The following POLR2E variants were observed in gnomAD, a reference collection of about 807,000 sequenced individuals.
POLR2E encodes the protein DNA-directed RNA polymerases I, II, and III subunit RPABC1.
A neutral mutation model predicts 29.8 loss-of-function variants in POLR2E; 35 were observed. The ratio of observed to expected loss-of-function variants is 1.17; its 90% CI spans 0.90 to 1.55. The LOEUF is 1.55. Among genes scored for constraint, POLR2E ranks in the 40% most tolerant of loss-of-function variants. The pLI, the probability that POLR2E is intolerant of heterozygous loss-of-function variation, is 0.00. For missense variants in POLR2E, 287 were observed against 288.6 expected (o/e 0.99, Z 0.04); for synonymous variants, 174 against 112.6 (o/e 1.55, Z -3.45).
In POLR2E at chr19:1,095,354, C is replaced by A; in HGVS notation, c.-39G>T. On this transcript the variant is annotated 5_prime_UTR_variant, in exon 1 of 8. Transcript: ENST00000615234. Reference sequence around the variant, plus strand: ...GCCGCCGCCGCTCGCACCCCTTCTCCGCGCGAGAACCCGCGCGGACTGCGC... The same window carrying A: ...GCCGCCGCCGCTCGCACCCCTTCTCAGCGCGAGAACCCGCGCGGACTGCGC... 3 of 1,610,906 alleles carry A rather than the reference C, an allele frequency of 1.9e-6. No homozygotes were observed. The highest frequency in any genetic ancestry group is 2.5e-6 in the Non-Finnish European group (3 of 1,178,412).
intron 2 of POLR2E, among the ~76,000 whole-genome samples, chr19:1,092,145 AC>A (rs767092148): frequency 3.3e-5 from 5 of 152,124 alleles, no homozygotes; most frequent in Non-Finnish European, 5.9e-5. Context: ...CCCCTCAGTC[AC>A]CCAGAGACCA....
intron 2 of POLR2E, among the ~76,000 whole-genome samples, 162 bp from the exon 3 acceptor site, chr19:1,092,069 C>G (rs918870911): frequency 6.6e-6 from 1 of 152,160 alleles, no homozygotes; most frequent in East Asian, 1.9e-4. Context: ...GTTGCAGGAT[C>G]CCAGGACAGG....
chr19:1,089,104 G>A (rs912570224), intron 7 of POLR2E, among the ~76,000 whole-genome samples: 4 of 152,226 alleles, frequency 2.6e-5, no homozygotes, highest in African/African-American at 4.8e-5. Context: ...GGGTTGGCCT[G>A]AAGCTGTGCC....
At chr19:1,091,766 T>C (rs1325007670) in intron 3 of POLR2E, 26 bp downstream of exon 3, 1 of 1,170,700 alleles carries the variant, frequency 8.5e-7, no homozygotes, top group Admixed American at 2.0e-5. Flanking sequence ...GGGGAGAGGC[T>C]GGCGGGGTGG....
At chr19:1,091,934 C>G (rs759162950) in intron 2 of POLR2E, 27 bp from the exon 3 acceptor site, 2 of 1,540,330 alleles carry the variant, frequency 1.3e-6, no homozygotes, top group South Asian at 2.2e-5. Context: ...TGCTGGCCTG[C>G]ACGAGCCTGG....
In POLR2E at chr19:1,089,555, C is replaced by G. The variant is rs372411618; in HGVS notation, c.568-4G>C. 2.6e-5 allele frequency: 42 copies of G among 1,613,072 alleles called. No homozygotes were observed. The highest frequency in any genetic ancestry group is 3.6e-5 in the Non-Finnish European group (42 of 1,179,314). On this transcript the variant is annotated splice_polypyrimidine_tract_variant and splice_region_variant and intron_variant, in intron 6 of 7. Transcript: ENST00000615234. Reference sequence around the variant, plus strand: ...TGGGCCGGATGATCTTCACCACCTGCAGAGACAGAGAGCAGGGGCTGCGAA... The same window carrying G: ...TGGGCCGGATGATCTTCACCACCTGGAGAGACAGAGAGCAGGGGCTGCGAA...
chr19:1,093,134 C>T (rs544729657), intron 2 of POLR2E, among the ~76,000 whole-genome samples: 5 of 146,346 alleles, frequency 3.4e-5, no homozygotes, highest in East Asian at 4.2e-4. Flanking sequence ...TGCAGCAAGC[C>T]GAGATGGCAC....
At position 1,087,173 on chromosome 19, in the gene POLR2E, T is replaced by C. The variant is rs1032515738; in HGVS notation, c.*1562A>G. 6.6e-6 allele frequency: 1 copy of C among 151,646 alleles called. No individual in the cohort carries two copies. Among genetic ancestry groups the C allele is most frequent in the African/African-American group, 2.4e-5 (1 of 41,200 alleles). 9.4% of individuals were successfully genotyped at this position (151,646 alleles called of 1,614,324 possible). A position where few individuals can be genotyped will look rare whatever the true frequency, so the allele number is the denominator to read the frequency against. On this transcript the variant is annotated 3_prime_UTR_variant, in exon 8 of 8. Coordinates refer to ENST00000615234, the MANE Select transcript of POLR2E (RefSeq NM_002695.5). ...GCCCAGGTAATCTTAAAGTTTTTTG[T>C]AGAGGTGGGGGGTTTCTCTGTGTTG...
chr19:1,089,592 T>A (rs1341155033), intron 6 of POLR2E, 41 bp from the exon 7 acceptor site: 4 of 1,547,236 alleles, frequency 2.6e-6, no homozygotes, highest in Non-Finnish European at 3.6e-6. Flanking sequence ...GCTTGAGGGG[T>A]CTCACTGCAG....
intron 4 of POLR2E, 128 bp downstream of exon 4, chr19:1,090,780 G>A: frequency 1.3e-6 from 1 of 772,302 alleles, no homozygotes; most frequent in Non-Finnish European, 2.0e-6. Flanking sequence ...CACCCTTTGA[G>A]AACCCTGTCC....
rs1032447151 is a variant in POLR2E at position 1,089,412 on chromosome 19, G to A, written c.*14+60C>T. Reference sequence around the variant, plus strand: ...AGCAAGAACAGCCCTGCACACCGACGGAGGGGACGACACCCCTGCCTCTGA... The same window carrying A: ...AGCAAGAACAGCCCTGCACACCGACAGAGGGGACGACACCCCTGCCTCTGA... On this transcript the variant is annotated intron_variant, in intron 7 of 7. Transcript: ENST00000615234. The A allele has an allele frequency of 1.5e-4, 171 of 1,124,304 alleles. 1 individual carries two copies. Among genetic ancestry groups the A allele is most frequent in the Middle Eastern group, 1.3e-3 (6 of 4,652 alleles). 69.6% of individuals were successfully genotyped at this position (1,124,304 alleles called of 1,614,324 possible). A position where few individuals can be genotyped will look rare whatever the true frequency, so the allele number is the denominator to read the frequency against.
rs1219492381 is a variant in POLR2E at position 1,093,927 on chromosome 19, T to G, written c.209A>C (p.Asp70Ala). 1 of 1,608,848 alleles carries G rather than the reference T, an allele frequency of 6.2e-7. No individual in the cohort carries two copies. Among genetic ancestry groups the G allele is most frequent in the Non-Finnish European group, 8.5e-7 (1 of 1,177,576 alleles). The change falls in exon 2 of 8, where the codon GAC becomes GCC. Residue 70 changes from aspartate to alanine, a missense_variant. Coordinates refer to ENST00000615234, the MANE Select transcript of POLR2E (RefSeq NM_002695.5). ...VLVAHNDDPT[D>A]QMFVFFPEEP... ...ACCTGGAAAGAACACAAACATCTGG[T>G]CGGTGGGGTCATCGTTGTGGGCCAC...
intron 7 of POLR2E, among the ~76,000 whole-genome samples, chr19:1,089,099 G>A (rs2043773033): frequency 5.3e-5 from 8 of 152,212 alleles, no homozygotes; most frequent in Admixed American, 5.2e-4. Flanking sequence ...GGGAAGGGTT[G>A]GCCTGAAGCT....
At position 1,092,050 on chromosome 19, in the gene POLR2E, G is replaced by A. The variant is rs1392136632; in HGVS notation, c.233-143C>T. 1.3e-4 allele frequency: 82 copies of A among 628,638 alleles called. 2 individuals are homozygous for A. The South Asian group carries it at 1.3e-3, about 10-fold the overall frequency. 38.9% of individuals were successfully genotyped at this position (628,638 alleles called of 1,614,324 possible). A position where few individuals can be genotyped will look rare whatever the true frequency, so the allele number is the denominator to read the frequency against. On this transcript the variant is annotated intron_variant, in intron 2 of 7. Coordinates refer to ENST00000615234, the MANE Select transcript of POLR2E (RefSeq NM_002695.5). ...GCCTCGGCTTCCGCGTTTGCAAAAC[G>A]AGGCCTGAGTTGCAGGATCCCAGGA... is the stretch of plus-strand genomic sequence containing the variant.
intron 2 of POLR2E, among the ~76,000 whole-genome samples, chr19:1,092,750 G>A (rs59084903): frequency 0.23 from 34,964 of 151,324 alleles, 4,397 homozygotes; most frequent in African/African-American, 0.31. Flanking sequence ...GTGAGATGGT[G>A]TATGCCTGTA....
At chr19:1,092,817 G>A (rs746147540) in intron 2 of POLR2E, among the ~76,000 whole-genome samples, 12 of 148,502 alleles carry the variant, frequency 8.1e-5, no homozygotes, top group Non-Finnish European at 1.2e-4. Flanking sequence ...GGAGGTGGAG[G>A]TTGCAGTGAG....
intron 3 of POLR2E, chr19:1,091,447 C>T (rs766622272): frequency 1.8e-3 from 687 of 385,162 alleles, no homozygotes; most frequent in Non-Finnish European, 2.6e-3. Context: ...GCCGGGCCTC[C>T]TCTGCAAGTC....
chr19:1,093,974 C>T lies in POLR2E; in HGVS notation c.162G>A (p.Arg54=). The part of the protein sequence containing the change: ...SGDKPSEGRP[R]RTDLTVLVAH... The stretch of plus-strand genomic sequence containing the variant: ...CCACCAGCACGGTGAGGTCCGTGCG[C>T]CGCGGCCGCCCCTCACTCGGCTTGT... Residue 54 remains arginine, a synonymous_variant, in exon 2 of 8, where the codon CGG becomes CGA. Transcript: ENST00000615234. 6.2e-7 allele frequency: 1 copy of T among 1,613,740 alleles called. No individual in the cohort carries two copies.
At chr19:1,095,057 C>A (rs540672916) in intron 1 of POLR2E, 20 of 557,858 alleles carry the variant, frequency 3.6e-5, no homozygotes, top group South Asian at 1.3e-4. Context: ...CCAGACGTCT[C>A]GAAACCCCCT....
Sources: gnomAD v4.1 joint callset for allele counts (sites outside exome capture counted in the v4.1 genomes callset) on GRCh38, gnomAD v4.1.1 for gene constraint, MANE v1.5 for transcripts, NCBI Gene and HGNC (gene_info 2026-07-23, HGNC 2026-07-21) for gene names.